Variants in ZNF433 observed in about 807,000 individuals in gnomAD.
ZNF433 encodes zinc finger protein 433.
A neutral mutation model predicts 10.6 loss-of-function variants in ZNF433; 12 were observed. That is an observed-to-expected ratio of 1.13 (90% CI 0.72 to 1.83). The LOEUF (loss-of-function observed/expected upper bound fraction) is 1.83, where lower values mean the gene tolerates loss of function less well. Among genes scored for constraint, ZNF433 ranks in the 40% most tolerant of loss-of-function variants. The pLI is 0.00. For synonymous variants in ZNF433, 272 were observed against 271.3 expected (o/e 1.00, Z -0.02); for missense variants, 737 against 798.0 (o/e 0.92, Z 0.92).
chr19:12,021,957 G>A (rs985687340), intron 1 of ZNF433: 12 of 456,786 alleles, frequency 2.6e-5, no homozygotes, highest in African/African-American at 2.4e-4. Context: ...CAGGATGCCT[G>A]GCGGTACTGG....
At chr19:12,027,289 G>A (rs1396931509) in intron 1 of ZNF433, 1 of 326,098 alleles carries the variant, frequency 3.1e-6, no homozygotes, top group African/African-American at 2.2e-5. Context: ...GCGAGATGTA[G>A]CTCACCATGA....
At chr19:12,034,627 A>G (rs974131593) in intron 1 of ZNF433, 20 of 311,782 alleles carry the variant, frequency 6.4e-5, no homozygotes, top group African/African-American at 4.1e-4. Context: ...AAATCTAAAG[A>G]AACAGGTCTT....
Position 12,027,709 on chromosome 19 carries a change from C to T in ZNF433, c.3+7828G>A, listed in dbSNP as rs150547328. On this transcript the variant is annotated intron_variant, in intron 1 of 3. Coordinates refer to ENST00000550507, the MANE Select transcript of ZNF433 (RefSeq NM_001308348.2). ...TTTCATGGCTTTCAGCTCTGAAGGCCGTCAGCCCCGATTTGCCACTCCACA... is the reference window on the plus strand; with the variant it reads ...TTTCATGGCTTTCAGCTCTGAAGGCTGTCAGCCCCGATTTGCCACTCCACA... Among the ~76,000 whole-genome samples the T allele has an allele frequency of 6.5e-3, 988 of 152,250 alleles. 16 individuals carry two copies. Among genetic ancestry groups the T allele is most frequent in the African/African-American group, 0.023 (945 of 41,550 alleles).
chr19:12,018,768 A>G (rs1599354916), intron 1 of ZNF433: 1 of 152,570 alleles, frequency 6.6e-6, no homozygotes, highest in Non-Finnish European at 1.5e-5. Context: ...TGGATTTTAC[A>G]AGGGGTCTTA....
intron 1 of ZNF433, among the ~76,000 whole-genome samples, chr19:12,019,548 T>C (rs1215326907): frequency 1.3e-5 from 2 of 152,144 alleles, no homozygotes; most frequent in African/African-American, 4.8e-5. Flanking sequence ...AAAAATAAAA[T>C]TACTGTATTT....
intron 1 of ZNF433, among the ~76,000 whole-genome samples, chr19:12,020,416 T>C (rs922292394): frequency 2.0e-5 from 3 of 152,174 alleles, no homozygotes; most frequent in African/African-American, 7.2e-5. Flanking sequence ...CAGGTGGTTA[T>C]TGAGCACTTT....
At chr19:12,027,705 AG>A (rs1241684570) in intron 1 of ZNF433, among the ~76,000 whole-genome samples, 1 of 152,230 alleles carries the variant, frequency 6.6e-6, no homozygotes, top group African/African-American at 2.4e-5. Context: ...TCAGCTCTGA[AG>A]GCCGTCAGCC....
At chr19:12,017,206 T>C (rs112074246) in intron 3 of ZNF433, among the ~76,000 whole-genome samples, 10,685 of 151,990 alleles carry the variant, frequency 0.07, 610 homozygotes, top group African/African-American at 0.16. Flanking sequence ...TTTTTTTGTT[T>C]TGTTTTGTTT....
chr19:12,034,368 G>C (rs772078260), intron 1 of ZNF433, among the ~76,000 whole-genome samples: 3 of 152,148 alleles, frequency 2.0e-5, no homozygotes, highest in African/African-American at 7.2e-5. Flanking sequence ...CCTGACACTG[G>C]AAAGAGCCAG....
chr19:12,019,052 TAAAAAAA>T (rs754859866), intron 1 of ZNF433, among the ~76,000 whole-genome samples: 72 of 62,834 alleles, frequency 1.1e-3, no homozygotes, highest in East Asian at 1.6e-3. Flanking sequence ...TCCATCTTAA[TAAAAAAA>T]AAAAAAAAAA....
chr19:12,016,638 T>A lies in ZNF433; in HGVS notation c.220A>T (p.Lys74Ter). Reference protein sequence around the residue: ...RIVGERLFESKEGHQHGEILT... With the variant: ...RIVGERLFES ...ATTTCTCCATGCTGATGACCTTCTT[T>A]ACTTTCAAAGAGTCTCTCTCCCACA... The change falls in exon 4 of 4, where the codon AAA (lysine) becomes TAA (stop). Residue 74 changes from lysine (K) to a stop codon, truncating the protein, a stop_gained. Coordinates refer to ENST00000550507, the MANE Select transcript of ZNF433 (RefSeq NM_001308348.2). LOFTEE classifies it low-confidence loss of function (END_TRUNC). The A allele has an allele frequency of 6.2e-7, 1 of 1,614,142 alleles. No homozygotes were observed. The highest frequency in any genetic ancestry group is 2.2e-5 in the East Asian group (1 of 44,884).
chr19:12,022,718 G>C (rs527530033), intron 1 of ZNF433, among the ~76,000 whole-genome samples: 1 of 152,188 alleles, frequency 6.6e-6, no homozygotes, highest in Non-Finnish European at 1.5e-5. Context: ...TGATGAGGAG[G>C]AGGAAGGAAA....
At chr19:12,017,802 T>A in intron 3 of ZNF433, 74 bp downstream of exon 3, 1 of 974,832 alleles carries the variant, frequency 1.0e-6, no homozygotes. Flanking sequence ...TGTTTCCTTT[T>A]TTTTTTTTTA....
At chr19:12,020,916 AT>A (rs1183158930) in intron 1 of ZNF433, among the ~76,000 whole-genome samples, 4 of 138,884 alleles carry the variant, frequency 2.9e-5, no homozygotes, top group Non-Finnish European at 4.5e-5. Context: ...AAACAAAAAT[AT>A]AAAAAAAAAA....
rs776016967 is a variant in ZNF433, at chr19:12,016,646, AAG to A, written c.210_211del (p.Phe71Ter). The A allele has an allele frequency of 2.5e-6, 4 of 1,613,812 alleles. No homozygotes were observed. The African/African-American group carries it at 5.3e-5, about 22-fold the overall frequency. On this transcript the variant is annotated frameshift_variant, in exon 4 of 4. Transcript: ENST00000550507. LOFTEE classifies it low-confidence loss of function (END_TRUNC). Reference sequence around the variant, plus strand: ...ATGCTGATGACCTTCTTTACTTTCAAAGAGTCTCTCTCCCACAATTCTGTGAA... The same window carrying A: ...ATGCTGATGACCTTCTTTACTTTCAAAGTCTCTCTCCCACAATTCTGTGAA...
rs776603980 is a variant in ZNF433, at chr19:12,016,065, A to T, written c.793T>A (p.Cys265Ser). ...TGAGTTCTTTTATGAGCATGAAGGCATGTGGAACTATGGAATGCTTTCCCA... is the reference window on the plus strand; with the variant it reads ...TGAGTTCTTTTATGAGCATGAAGGCTTGTGGAACTATGGAATGCTTTCCCA... ...ECGKAFHSSTCLHAHKRTHTG... is the reference protein window; with the variant it reads ...ECGKAFHSSTSLHAHKRTHTG... The change falls in exon 4 of 4, where the codon TGC becomes AGC. Residue 265 changes from cysteine to serine, a missense_variant. Cys to Ser is a moderately radical substitution (Grantham distance 112, BLOSUM62 -1). Coordinates refer to ENST00000550507, the MANE Select transcript of ZNF433 (RefSeq NM_001308348.2). 6.8e-6 allele frequency: 11 copies of T among 1,613,910 alleles called. No homozygotes were observed. The highest frequency in any genetic ancestry group is 7.6e-6 in the Non-Finnish European group (9 of 1,180,014).
intron 1 of ZNF433, among the ~76,000 whole-genome samples, chr19:12,031,165 G>A (rs1328498780): frequency 1.3e-5 from 2 of 151,948 alleles, no homozygotes; most frequent in African/African-American, 2.4e-5. Context: ...ATGTGGTAGT[G>A]CGTGCCTGTA....
rs1470841777 is a variant in ZNF433 at position 12,015,426 on chromosome 19, T to A, written c.1432A>T (p.Lys478Ter). 6.2e-7 allele frequency: 1 copy of A among 1,614,098 alleles called. No individual in the cohort carries two copies. The highest frequency in any genetic ancestry group is 8.5e-7 in the Non-Finnish European group (1 of 1,179,946). Reference protein sequence around the residue: ...MHREEKPYECKGYGKTFSLPS... With the variant: ...MHREEKPYEC ...AAACTGAATGTTTTCCCATAACCCT[T>A]ACATTCATACGGCTTCTCTTCTCTG... is the stretch of plus-strand genomic sequence containing the variant. The change falls in exon 4 of 4, where the codon AAG becomes TAG. Residue 478 changes from lysine to a stop codon, truncating the protein, a stop_gained. Transcript: ENST00000550507. LOFTEE classifies it low-confidence loss of function (END_TRUNC).
intron 1 of ZNF433, 80 bp downstream of exon 1, chr19:12,035,457 C>G: frequency 6.5e-7 from 1 of 1,540,312 alleles, no homozygotes; most frequent in Non-Finnish European, 8.8e-7. Context: ...CGCGGGGAGG[C>G]CCGGGTCCCA....
Sources: gnomAD v4.1 joint callset for allele counts (sites outside exome capture counted in the v4.1 genomes callset) on GRCh38, gnomAD v4.1.1 for gene constraint, MANE v1.5 for transcripts, NCBI Gene and HGNC (gene_info 2026-07-23, HGNC 2026-07-21) for gene names.